Variants in LANCL1 observed in about 807,000 individuals in gnomAD.
The protein encoded by LANCL1 is LanC like glutathione S-transferase 1.
LANCL1 carries 50 observed loss-of-function variants against 50.6 expected under a neutral mutation model. The ratio of observed to expected loss-of-function variants is 0.99; its 90% CI spans 0.79 to 1.25. LANCL1 has a LOEUF of 1.25. Ranked by LOEUF, LANCL1 falls within the 50% of genes most tolerant of loss-of-function variation. LANCL1 has a pLI of 0.00. For missense variants in LANCL1, 532 were observed against 480.7 expected, an observed-to-expected ratio of 1.11 and a Z score of -1.00; for synonymous variants, 188 against 178.6, an observed-to-expected ratio of 1.05 and a Z score of -0.42.
At chr2:210,438,392 C>T (rs1343451593) in intron 6 of LANCL1, among the ~76,000 whole-genome samples, 3 of 152,070 alleles carry the variant, frequency 2.0e-5, no homozygotes, top group African/African-American at 7.2e-5. Context: ...ACCTTGGCCT[C>T]CCAAAGTGCT....
chr2:210,471,350 T>C lies in LANCL1; in HGVS notation c.199+609A>G, dbSNP rs561930030. On this transcript the variant is annotated intron_variant, in intron 3 of 9. Transcript: ENST00000450366. Reference sequence around the variant, plus strand: ...GTGAGCCACTGCGCCCAGCCTCTTCTTTGATTTTTCTCTTTCTCACCTTTT... The same window carrying C: ...GTGAGCCACTGCGCCCAGCCTCTTCCTTGATTTTTCTCTTTCTCACCTTTT... Among the ~76,000 whole-genome samples, 12 of 144,398 alleles carry C rather than the reference T, an allele frequency of 8.3e-5. No homozygotes were observed. The South Asian group carries it at 2.5e-3, about 30-fold the overall frequency. The allele number at this position is 144,398 out of a possible 152,430, so 94.7% of individuals were successfully genotyped here. A position where few individuals can be genotyped will look rare whatever the true frequency, so the allele number is the denominator to read the frequency against.
At chr2:210,477,076 A>G (rs1375172996), upstream of LANCL1, among the ~76,000 whole-genome samples, 1 of 149,682 alleles carries the variant, frequency 6.7e-6, no homozygotes, top group South Asian at 2.2e-4. Flanking sequence ...GCTGTTCGCA[A>G]TAGATAAAAT....
chr2:210,466,721 T>G (rs1694071045), intron 3 of LANCL1, among the ~76,000 whole-genome samples: 1 of 152,138 alleles, frequency 6.6e-6, no homozygotes, highest in South Asian at 2.1e-4. Context: ...CATTTGGGGG[T>G]CACTTTGCAT....
chr2:210,440,293 A>G (rs1693086475), intron 6 of LANCL1, among the ~76,000 whole-genome samples: 1 of 152,236 alleles, frequency 6.6e-6, no homozygotes, highest in African/African-American at 2.4e-5. Flanking sequence ...AGCAGAGCAG[A>G]GGCACTTCAT....
rs116260268 is a variant in LANCL1 at position 210,432,334 on chromosome 2, A to G, written c.*2153T>C. The G allele has an allele frequency of 2.4e-3, 373 of 152,272 alleles. No homozygotes were observed. The highest frequency in any genetic ancestry group is 8.7e-3 in the African/African-American group (362 of 41,558). The allele number at this position is 152,272 out of a possible 1,614,324, so 9.4% of individuals were successfully genotyped here. A position where few individuals can be genotyped will look rare whatever the true frequency, so the allele number is the denominator to read the frequency against. Reference sequence around the variant, plus strand: ...AACTCTAATTGTGTTTGTGTGGATGAATTTGCTAACTGATGACAGTAGCTA... The same window carrying G: ...AACTCTAATTGTGTTTGTGTGGATGGATTTGCTAACTGATGACAGTAGCTA... On this transcript the variant is annotated 3_prime_UTR_variant, in exon 10 of 10. Coordinates refer to ENST00000450366, the MANE Select transcript of LANCL1 (RefSeq NM_006055.3).
chr2:210,471,894 T>A lies in LANCL1; in HGVS notation c.199+65A>T, dbSNP rs191402577. On this transcript the variant is annotated intron_variant, in intron 3 of 9. Coordinates refer to ENST00000450366, the MANE Select transcript of LANCL1 (RefSeq NM_006055.3). Reference sequence around the variant, plus strand: ...AGGGTGTACCATTCAGACAGACAGCTCTCGGAAAAATGCTCTGGCTCTTAA... The same window carrying A: ...AGGGTGTACCATTCAGACAGACAGCACTCGGAAAAATGCTCTGGCTCTTAA... 2.6e-4 allele frequency: 289 copies of A among 1,111,020 alleles called. 2 individuals carry two copies. The African/African-American group carries it at 4.2e-3, about 16-fold the overall frequency. The allele number at this position is 1,111,020 out of a possible 1,614,324, so 68.8% of individuals were successfully genotyped here.
At chr2:210,463,021 G>A (rs1323391543) in intron 3 of LANCL1, among the ~76,000 whole-genome samples, 1 of 152,156 alleles carries the variant, frequency 6.6e-6, no homozygotes, top group East Asian at 1.9e-4. Flanking sequence ...TGTAGAGGCT[G>A]AGAGTAAACA....
intron 3 of LANCL1, among the ~76,000 whole-genome samples, chr2:210,465,796 C>T (rs987033541): frequency 2.0e-4 from 30 of 152,098 alleles, no homozygotes; most frequent in African/African-American, 7.0e-4. Context: ...TTCCCAGGTA[C>T]GATGAAGAAA....
chr2:210,458,979 A>C (rs1468684057), intron 3 of LANCL1, among the ~76,000 whole-genome samples: 1 of 152,134 alleles, frequency 6.6e-6, no homozygotes, highest in Middle Eastern at 3.2e-3. Context: ...GTTTTAGCCA[A>C]GTGTATTCTT....
intron 4 of LANCL1, among the ~76,000 whole-genome samples, chr2:210,445,082 G>A: frequency 1.3e-5 from 2 of 151,912 alleles, no homozygotes; most frequent in South Asian, 2.1e-4. Context: ...TAATATAAAT[G>A]TGTCAAATTA....
intron 4 of LANCL1, among the ~76,000 whole-genome samples, chr2:210,451,674 C>T (rs1185814921): frequency 6.6e-6 from 1 of 152,154 alleles, no homozygotes; most frequent in Non-Finnish European, 1.5e-5. Flanking sequence ...TACCCAAGAT[C>T]ACACAGTAGG....
chr2:210,453,503 T>C (rs1693570651), intron 4 of LANCL1, among the ~76,000 whole-genome samples: 1 of 152,188 alleles, frequency 6.6e-6, no homozygotes, highest in South Asian at 2.1e-4. Context: ...CAAATTCCCA[T>C]CTGTTTGAAT....
chr2:210,474,222 T>C (rs910881180), intron 2 of LANCL1, among the ~76,000 whole-genome samples: 1 of 152,226 alleles, frequency 6.6e-6, no homozygotes, highest in East Asian at 1.9e-4. Flanking sequence ...AACAGACCAG[T>C]TCCTTACTGA....
At chr2:210,462,506 G>A (rs1693894562) in intron 3 of LANCL1, among the ~76,000 whole-genome samples, 1 of 152,110 alleles carries the variant, frequency 6.6e-6, no homozygotes, top group Non-Finnish European at 1.5e-5. Flanking sequence ...ACAGCTGCAG[G>A]AGCTACCAAT....
chr2:210,470,556 C>T (rs1694195890), intron 3 of LANCL1, among the ~76,000 whole-genome samples: 1 of 152,158 alleles, frequency 6.6e-6, no homozygotes, highest in Admixed American at 6.5e-5. Context: ...CAAATCTGAA[C>T]ATCGGTAATC....
chr2:210,460,537 A>G (rs369577631), intron 3 of LANCL1: 4 of 115,564 alleles, frequency 3.5e-5, no homozygotes, highest in African/African-American at 7.9e-5. Context: ...CTGTCTTTCT[A>G]TATCAGGTTG....
At chr2:210,458,091 G>A (rs1693723048) in intron 3 of LANCL1, among the ~76,000 whole-genome samples, 1 of 152,160 alleles carries the variant, frequency 6.6e-6, no homozygotes, top group African/African-American at 2.4e-5. Context: ...GGTGCAGCTA[G>A]AGCAGTCATC....
At chr2:210,461,404 TACAA>T (rs747214401) in intron 3 of LANCL1, among the ~76,000 whole-genome samples, 59 of 152,090 alleles carry the variant, frequency 3.9e-4, no homozygotes, top group Non-Finnish European at 2.4e-4. Flanking sequence ...AAGAGCTACT[TACAA>T]ACAGATCAAA....
chr2:210,440,644 A>G lies in LANCL1; in HGVS notation c.644T>C (p.Val215Ala), dbSNP rs1446634011. The stretch of plus-strand genomic sequence containing the variant: ...TCCAGCCAGGCCATGAGCAGCCCCT[A>G]CATAATATTCCTGGTACCATTCATA... ...LMYEWYQEYYVGAAHGLAGIY... is the reference protein window; with the variant it reads ...LMYEWYQEYYAGAAHGLAGIY... The change falls in exon 6 of 10, where the codon GTA (valine) becomes GCA (alanine). Residue 215 changes from valine (V) to alanine (A), a missense_variant. Coordinates refer to ENST00000450366, the MANE Select transcript of LANCL1 (RefSeq NM_006055.3). 3 of 1,613,972 alleles carry G rather than the reference A, an allele frequency of 1.9e-6. No individual in the cohort carries two copies. The highest frequency in any genetic ancestry group is 1.7e-5 in the Admixed American group (1 of 60,002).
Sources: allele counts gnomAD v4.1 joint callset (sites outside exome capture counted in the v4.1 genomes callset), GRCh38; gene constraint gnomAD v4.1.1; transcripts MANE v1.5; gene names NCBI Gene and HGNC (gene_info 2026-07-23, HGNC 2026-07-21).